ILRUN: variants seen among roughly 807,000 people sequenced by gnomAD.
ILRUN encodes inflammation and lipid regulator with UBA-like and NBR1-like domains, also known as protein ILRUN.
Under a neutral mutation model 33.8 loss-of-function variants are expected in ILRUN, and 3 were observed. The ratio of observed to expected loss-of-function variants is 0.09; its 90% CI spans 0.04 to 0.23. ILRUN has a LOEUF of 0.23. ILRUN is among the 10% of genes least tolerant of loss of function. ILRUN has a pLI of 1.00. For synonymous variants in ILRUN, 124 were observed against 138.9 expected (o/e 0.89, Z 0.75); for missense variants, 210 against 375.1 (o/e 0.56, Z 3.64).
intron 3 of ILRUN, among the ~76,000 whole-genome samples, chr6:34,627,663 G>C (rs984788866): frequency 6.7e-6 from 1 of 150,164 alleles, no homozygotes; most frequent in Non-Finnish European, 1.5e-5. Context: ...CATGCCATCT[G>C]TGCATTTTCT....
chr6:34,668,318 T>TATA (rs1763045727), intron 1 of ILRUN, among the ~76,000 whole-genome samples: 1 of 152,172 alleles, frequency 6.6e-6, no homozygotes, highest in African/African-American at 2.4e-5. Flanking sequence ...ACAAGTGAAA[T>TATA]GTTCACAGCA....
chr6:34,694,441 A>C (rs1763712218), intron 1 of ILRUN, among the ~76,000 whole-genome samples: 2 of 152,192 alleles, frequency 1.3e-5, no homozygotes, highest in African/African-American at 4.8e-5. Context: ...CAGTCAGGCA[A>C]GAGAACTCTC....
At chr6:34,601,107 G>A (rs1250777963) in intron 4 of ILRUN, among the ~76,000 whole-genome samples, 2 of 152,156 alleles carry the variant, frequency 1.3e-5, no homozygotes, top group African/African-American at 4.8e-5. Context: ...AATAAAAACT[G>A]GAGGCTGGGA....
intron 3 of ILRUN, among the ~76,000 whole-genome samples, chr6:34,626,962 G>A (rs1345607732): frequency 6.6e-6 from 1 of 151,814 alleles, no homozygotes; most frequent in African/African-American, 2.4e-5. Context: ...CCGAGATCAT[G>A]CCACTGCACT....
At chr6:34,692,130 A>AT (rs1176613093) in intron 1 of ILRUN, among the ~76,000 whole-genome samples, 2 of 151,956 alleles carry the variant, frequency 1.3e-5, no homozygotes, top group Admixed American at 6.6e-5. Context: ...AGCCCAGCTA[A>AT]TTTTTTTATT....
At chr6:34,621,947 T>C (rs1440597490) in intron 3 of ILRUN, among the ~76,000 whole-genome samples, 9 of 152,156 alleles carry the variant, frequency 5.9e-5, no homozygotes, top group Non-Finnish European at 1.3e-4. Context: ...ACAAACCTTG[T>C]GTATATGGTC....
intron 3 of ILRUN, among the ~76,000 whole-genome samples, chr6:34,629,745 T>C (rs1354097953): frequency 1.3e-5 from 2 of 152,236 alleles, no homozygotes; most frequent in Non-Finnish European, 2.9e-5. Context: ...GTTTCAAATA[T>C]TGTTTCTGTT....
chr6:34,652,373 GAA>G (rs1762688450), intron 2 of ILRUN, among the ~76,000 whole-genome samples: 1 of 152,132 alleles, frequency 6.6e-6, no homozygotes, highest in East Asian at 1.9e-4. Context: ...GAAAGGGGGC[GAA>G]TGAAATTTTA....
chr6:34,618,622 T>A (rs760578062), intron 3 of ILRUN, among the ~76,000 whole-genome samples: 3 of 152,230 alleles, frequency 2.0e-5, no homozygotes, highest in Non-Finnish European at 4.4e-5. Flanking sequence ...ACTCACTGCA[T>A]CACGTCAATA....
chr6:34,630,976 C>T (rs1040958174), intron 3 of ILRUN, among the ~76,000 whole-genome samples: 8 of 152,116 alleles, frequency 5.3e-5, no homozygotes, highest in Non-Finnish European at 1.2e-4. Context: ...CATTTTGATT[C>T]TTTCTTAGAA....
At chr6:34,680,774 A>T (rs920051251) in intron 1 of ILRUN, among the ~76,000 whole-genome samples, 1 of 151,474 alleles carries the variant, frequency 6.6e-6, no homozygotes, top group African/African-American at 2.4e-5. Context: ...TATTTTTTTT[A>T]ACTTTTTGCC....
chr6:34,633,886 AGGGAGGGAGG>A (rs1762299858), intron 3 of ILRUN, among the ~76,000 whole-genome samples: 2 of 18,370 alleles, frequency 1.1e-4, no homozygotes, highest in South Asian at 5.6e-3. Context: ...GGAGAGAGGG[AGGGAGGGAGG>A]GAGGGAGGGA....
intron 1 of ILRUN, among the ~76,000 whole-genome samples, chr6:34,669,051 G>T (rs1311206411): frequency 1.3e-5 from 2 of 151,752 alleles, no homozygotes; most frequent in Non-Finnish European, 2.9e-5. Context: ...CACCATGTTG[G>T]CCAGGCTGGT....
chr6:34,588,597 G>C lies in ILRUN; in HGVS notation c.*1968C>G, dbSNP rs1357441208. 1 of 181,536 alleles carries C rather than the reference G, an allele frequency of 5.5e-6. No individual in the cohort carries two copies. Among genetic ancestry groups the C allele is most frequent in the East Asian group, 1.4e-4 (1 of 7,396 alleles). 11.2% of individuals were successfully genotyped at this position (181,536 alleles called of 1,614,324 possible). The stretch of plus-strand genomic sequence containing the variant: ...AGCCATCCTGAGGCCTGTGGCGTGG[G>C]TACCTGGCAGAGACTTCCCTCTGCT... On this transcript the variant is annotated 3_prime_UTR_variant, in exon 5 of 5. Coordinates refer to ENST00000374023, the MANE Select transcript of ILRUN (RefSeq NM_024294.4).
intron 2 of ILRUN, among the ~76,000 whole-genome samples, chr6:34,647,911 C>A (rs1158647397): frequency 6.6e-6 from 1 of 152,332 alleles, no homozygotes; most frequent in Middle Eastern, 3.4e-3. Flanking sequence ...GTTGGCCAGG[C>A]TGATCATGAA....
intron 3 of ILRUN, among the ~76,000 whole-genome samples, chr6:34,631,917 A>G (rs1163053573): frequency 6.6e-6 from 1 of 152,194 alleles, no homozygotes; most frequent in East Asian, 1.9e-4. Context: ...AAAAAAATCC[A>G]TAATAGTTTA....
chr6:34,648,403 G>C (rs1022823304), intron 2 of ILRUN, among the ~76,000 whole-genome samples: 3 of 152,078 alleles, frequency 2.0e-5, no homozygotes, highest in Non-Finnish European at 2.9e-5. Context: ...TTCTACTCCT[G>C]AGATCTCAGC....
At chr6:34,683,099 C>T (rs1460488012) in intron 1 of ILRUN, among the ~76,000 whole-genome samples, 1 of 151,174 alleles carries the variant, frequency 6.6e-6, no homozygotes, top group Non-Finnish European at 1.5e-5. Context: ...AAAAACCTAC[C>T]TTTTTGACCC....
At chr6:34,594,260 C>G (rs531803569) in intron 4 of ILRUN, among the ~76,000 whole-genome samples, 1 of 152,210 alleles carries the variant, frequency 6.6e-6, no homozygotes, top group South Asian at 2.1e-4. Context: ...ACCACAGAAC[C>G]CTGAATTCAA....
Sources: gnomAD v4.1 joint callset for allele counts (sites outside exome capture counted in the v4.1 genomes callset) on GRCh38, gnomAD v4.1.1 for gene constraint, MANE v1.5 for transcripts, NCBI Gene and HGNC (gene_info 2026-07-23, HGNC 2026-07-21) for gene names.